CACNA2D1: variants seen among roughly 807,000 people sequenced by gnomAD.
CACNA2D1 encodes the protein voltage-dependent calcium channel subunit alpha-2/delta-1.
A neutral mutation model predicts 171.5 loss-of-function variants in CACNA2D1; 53 were observed. The ratio of observed to expected loss-of-function variants is 0.31; its 90% confidence interval spans 0.25 to 0.39. The LOEUF is 0.39. Among genes scored for constraint, CACNA2D1 ranks in the 10% least tolerant of loss-of-function variants. The pLI is 1.00. For missense variants in CACNA2D1, 903 were observed against 1,299.8 expected (o/e 0.69, Z 4.69); for synonymous variants, 442 against 443.1 (o/e 1.00, Z 0.03).
At chr7:82,173,631 T>C (rs948754062) in intron 3 of CACNA2D1, among the ~76,000 whole-genome samples, 2 of 148,606 alleles carry the variant, frequency 1.3e-5, no homozygotes, top group Non-Finnish European at 2.9e-5. Context: ...TCATTACTTA[T>C]AGAAAACCGA....
intron 12 of CACNA2D1, among the ~76,000 whole-genome samples, chr7:82,018,414 A>G (rs1800772279): frequency 6.6e-6 from 1 of 152,158 alleles, no homozygotes; most frequent in Admixed American, 6.5e-5. Context: ...ATGTGGTAAG[A>G]GCAGGACCAA....
chr7:82,108,773 T>C (rs1313905953), intron 6 of CACNA2D1, among the ~76,000 whole-genome samples: 1 of 152,210 alleles, frequency 6.6e-6, no homozygotes, highest in East Asian at 1.9e-4. Context: ...AGGCCATCTT[T>C]ACCTCAGAAG....
At chr7:81,959,420 A>G (rs1386667156) in intron 37 of CACNA2D1, 63 bp from the exon 38 acceptor site, 2 of 1,095,540 alleles carry the variant, frequency 1.8e-6, no homozygotes, top group Admixed American at 1.7e-5. Context: ...AATAAATACA[A>G]TGCAATGTAT....
At chr7:82,103,871 A>T (rs557008284) in intron 6 of CACNA2D1, among the ~76,000 whole-genome samples, 62 of 152,148 alleles carry the variant, frequency 4.1e-4, no homozygotes, top group African/African-American at 1.5e-3. Flanking sequence ...TTATTATTGT[A>T]TTTTCATAAA....
At chr7:82,023,524 A>C (rs568694559) in intron 12 of CACNA2D1, among the ~76,000 whole-genome samples, 27 of 151,912 alleles carry the variant, frequency 1.8e-4, no homozygotes, top group African/African-American at 6.5e-4. Context: ...AATGTAAATG[A>C]AGCATTCTGC....
At chr7:82,234,480 T>C (rs1803316459) in intron 3 of CACNA2D1, among the ~76,000 whole-genome samples, 3 of 152,168 alleles carry the variant, frequency 2.0e-5, no homozygotes, top group South Asian at 4.1e-4. Context: ...AAAAATTGGA[T>C]GTTTGACTTT....
At chr7:82,435,030 C>CTTTTTTTTT (rs764179836) in intron 1 of CACNA2D1, among the ~76,000 whole-genome samples, 1 of 84,344 alleles carries the variant, frequency 1.2e-5, no homozygotes, top group Admixed American at 1.6e-4. Flanking sequence ...TCTTCAGATA[C>CTTTTTTTTT]TTTTTTTTTT....
chr7:82,023,801 A>G (rs931906435), intron 12 of CACNA2D1: 3 of 151,692 alleles, frequency 2.0e-5, no homozygotes, highest in Non-Finnish European at 4.4e-5. Context: ...CTTTATGTCC[A>G]CTGATTAGTA....
intron 3 of CACNA2D1, among the ~76,000 whole-genome samples, chr7:82,228,920 T>G (rs1261905057): frequency 6.6e-5 from 10 of 152,140 alleles, no homozygotes; most frequent in African/African-American, 2.2e-4. Context: ...AATGCAGTTT[T>G]AAAAGCTCCT....
intron 1 of CACNA2D1, among the ~76,000 whole-genome samples, chr7:82,433,061 G>T (rs910274769): frequency 1.3e-5 from 2 of 151,844 alleles, no homozygotes; most frequent in East Asian, 3.9e-4. Context: ...GGTGGCGTGC[G>T]CCTGTAGTCC....
chr7:82,029,505 TTC>T (rs1280882843), intron 12 of CACNA2D1: 2 of 151,778 alleles, frequency 1.3e-5, no homozygotes, highest in African/African-American at 4.8e-5. Context: ...TGTCTTATTC[TTC>T]TCTTTTATTT....
chr7:82,370,879 G>A (rs900816778), intron 1 of CACNA2D1, among the ~76,000 whole-genome samples: 14 of 151,928 alleles, frequency 9.2e-5, no homozygotes, highest in African/African-American at 3.4e-4. Context: ...TAAAAATAAA[G>A]GATTTTAAAA....
Position 82,239,886 on chromosome 7 carries a change from C to G in CACNA2D1, c.295-69277G>C, listed in dbSNP as rs1415991335. On this transcript the variant is annotated intron_variant, in intron 3 of 38. Transcript: ENST00000356860. The stretch of plus-strand genomic sequence containing the variant: ...ACACATTACCACCCCAACAATGGGA[C>G]TCGTTTTCAGGTTTTCTACACATTT... Among the ~76,000 whole-genome samples the G allele has an allele frequency of 4.6e-5, 7 of 152,186 alleles. No individual in the cohort carries two copies. The East Asian group carries it at 1.4e-3, about 29-fold the overall frequency.
At chr7:82,152,812 T>C (rs1324107756) in intron 4 of CACNA2D1, among the ~76,000 whole-genome samples, 4 of 152,132 alleles carry the variant, frequency 2.6e-5, no homozygotes, top group South Asian at 2.1e-4. Flanking sequence ...TTTAGTTAAA[T>C]GCATTATATG....
intron 1 of CACNA2D1, among the ~76,000 whole-genome samples, chr7:82,388,076 A>C (rs1824627628): frequency 6.9e-6 from 1 of 145,292 alleles, no homozygotes; most frequent in African/African-American, 2.5e-5. Context: ...AAAAAAAAAA[A>C]ACAAAAACAA....
chr7:82,406,714 T>A (rs1052129241), intron 1 of CACNA2D1, among the ~76,000 whole-genome samples: 1 of 152,230 alleles, frequency 6.6e-6, no homozygotes, highest in African/African-American at 2.4e-5. Context: ...TCTGTTCATA[T>A]CCTTCACCCA....
At chr7:82,120,313 G>GT (rs1323445988) in intron 5 of CACNA2D1, among the ~76,000 whole-genome samples, 1 of 152,012 alleles carries the variant, frequency 6.6e-6, no homozygotes, top group African/African-American at 2.4e-5. Flanking sequence ...ATACATCCTG[G>GT]TTTTTTGTAG....
intron 16 of CACNA2D1, among the ~76,000 whole-genome samples, chr7:82,007,188 GA>G (rs563707788): frequency 0.01 from 1,508 of 149,610 alleles, 21 homozygotes; most frequent in African/African-American, 0.034. Context: ...CCTAAAAATA[GA>G]AAAAAAAAGA....
intron 3 of CACNA2D1, among the ~76,000 whole-genome samples, chr7:82,254,861 G>A (rs1806105574): frequency 6.6e-6 from 1 of 152,056 alleles, no homozygotes; most frequent in Non-Finnish European, 1.5e-5. Flanking sequence ...ATCTCATAGG[G>A]TACAGTTCAT....
Sources: gnomAD v4.1 joint callset for allele counts (sites outside exome capture counted in the v4.1 genomes callset) on GRCh38, gnomAD v4.1.1 for gene constraint, MANE v1.5 for transcripts, NCBI Gene and HGNC (gene_info 2026-07-23, HGNC 2026-07-21) for gene names.